Variants in RGSL1 observed in about 807,000 individuals in gnomAD.
RGSL1 encodes the protein regulator of G protein signaling like 1.
A neutral mutation model predicts 124.7 loss-of-function variants in RGSL1; 97 were observed. The ratio of observed to expected loss-of-function variants is 0.78; its 90% CI spans 0.66 to 0.92. The LOEUF is 0.92. Among genes scored for constraint, RGSL1 ranks in the 40% least tolerant of loss-of-function variants. RGSL1 has a pLI of 0.00. For synonymous variants in RGSL1, 424 were observed against 438.1 expected, an observed-to-expected ratio of 0.97 and a Z score of 0.40; for missense variants, 1,233 against 1,288.4, an observed-to-expected ratio of 0.96 and a Z score of 0.66.
Position 182,548,357 on chromosome 1 carries a change from A to G in RGSL1, c.2710A>G (p.Asn904Asp). Residue 904 changes from asparagine to aspartate, a missense_variant, in exon 16 of 22, where the codon AAC (asparagine) becomes GAC (aspartate). Transcript: ENST00000294854. ...LVSSAHMLQVNRAYNENDVIL... is the reference protein window; with the variant it reads ...LVSSAHMLQVDRAYNENDVIL... ...CAGTTCAGCCCACATGCTGCAGGTC[A>G]ACCGGGCATATAATGAGAATGATGT... 1.3e-6 allele frequency: 2 copies of G among 1,552,068 alleles called. No individual in the cohort carries two copies. Among genetic ancestry groups the G allele is most frequent in the Non-Finnish European group, 1.7e-6 (2 of 1,147,052 alleles).
At chr1:182,551,274 G>A in intron 18 of RGSL1, 65 bp downstream of exon 18, 2 of 1,288,548 alleles carry the variant, frequency 1.6e-6, no homozygotes, top group Non-Finnish European at 2.2e-6. Flanking sequence ...AGAAAGCAAG[G>A]GCCCAAGGGG....
At chr1:182,515,556 G>GT in intron 9 of RGSL1, among the ~76,000 whole-genome samples, 1 of 143,528 alleles carries the variant, frequency 7.0e-6, no homozygotes, top group African/African-American at 2.5e-5. Context: ...AAAAAAAAGG[G>GT]GGGGGCGGGG....
chr1:182,472,593 A>C, intron 5 of RGSL1, 36 bp downstream of exon 5: 1 of 1,481,924 alleles, frequency 6.7e-7, no homozygotes, highest in Non-Finnish European at 9.1e-7. Context: ...GGGGGATGCA[A>C]CAAAAAAGTA....
At chr1:182,487,104 A>G (rs866710828) in intron 6 of RGSL1, among the ~76,000 whole-genome samples, 3 of 152,202 alleles carry the variant, frequency 2.0e-5, no homozygotes, top group Non-Finnish European at 4.4e-5. Context: ...TACATTACAT[A>G]TTGCTCGGAT....
At chr1:182,488,216 A>G in intron 6 of RGSL1, 69 bp from the exon 7 acceptor site, 3 of 1,425,952 alleles carry the variant, frequency 2.1e-6, no homozygotes, top group Admixed American at 4.0e-5. Flanking sequence ...TCCCAGGTGA[A>G]CATATGCAGG....
chr1:182,518,572 C>T (rs1210517068), intron 9 of RGSL1, among the ~76,000 whole-genome samples: 1 of 152,152 alleles, frequency 6.6e-6, no homozygotes, highest in Non-Finnish European at 1.5e-5. Flanking sequence ...CCTTCAGGCA[C>T]TCTGAATTCT....
chr1:182,500,978 T>G (rs1436621634), intron 9 of RGSL1, among the ~76,000 whole-genome samples: 1 of 152,148 alleles, frequency 6.6e-6, no homozygotes, highest in Non-Finnish European at 1.5e-5. Flanking sequence ...GTGGACATTT[T>G]TCTTTTCTTT....
chr1:182,489,168 C>T lies in RGSL1; in HGVS notation c.1683C>T (p.Leu561=), dbSNP rs187597544. The stretch of plus-strand genomic sequence containing the variant: ...AGGACCTGAAGCAAGGAGGCTCTCT[C>T]CAGGTAGAGCTGACATCTCCAGTGT... ...ATEDLKQGGS[L]QVELTSPVFL... The change falls in exon 8 of 22, where the codon CTC becomes CTT. Residue 561 remains leucine (L), a synonymous_variant. Coordinates refer to ENST00000294854, the MANE Select transcript of RGSL1 (RefSeq NM_001137669.2). 1 of 1,551,714 alleles carries T rather than the reference C, an allele frequency of 6.4e-7. No individual in the cohort carries two copies. Among genetic ancestry groups the T allele is most frequent in the East Asian group, 2.4e-5 (1 of 40,926 alleles).
At chr1:182,450,395 G>C (rs1651718884) in intron 1 of RGSL1, 3 of 597,520 alleles carry the variant, frequency 5.0e-6, no homozygotes, top group Non-Finnish European at 9.0e-6. Flanking sequence ...TTATTCATAA[G>C]ACAACTAAGG....
In RGSL1 at chr1:182,499,340, T is replaced by C. The variant is rs960884987; in HGVS notation, c.1825+6211T>C. 2.0e-5 allele frequency among the ~76,000 whole-genome samples: 3 copies of C among 152,340 alleles called. No homozygotes were observed. In the East Asian group the frequency reaches 5.8e-4, roughly 29 times the overall value. On this transcript the variant is annotated intron_variant, in intron 9 of 21. Coordinates refer to ENST00000294854, the MANE Select transcript of RGSL1 (RefSeq NM_001137669.2). Reference sequence around the variant, plus strand: ...CGCAGGTCTCTAAGAACTTGTTTTATGATCCTGGGAGCTCCTGTATTGGGT... The same window carrying C: ...CGCAGGTCTCTAAGAACTTGTTTTACGATCCTGGGAGCTCCTGTATTGGGT...
chr1:182,473,438 A>G (rs558441937), intron 5 of RGSL1, 137 bp from the exon 6 acceptor site: 2 of 960,802 alleles, frequency 2.1e-6, no homozygotes, highest in African/African-American at 3.3e-5. Context: ...TAAACTATTC[A>G]TACTCCAGGA....
intron 10 of RGSL1, among the ~76,000 whole-genome samples, chr1:182,523,162 G>A (rs137986988): frequency 6.6e-5 from 10 of 150,970 alleles, no homozygotes; most frequent in African/African-American, 1.9e-4. Context: ...TCAGCCTCCC[G>A]AGTAGCTGGG....
chr1:182,472,350 G>A, intron 4 of RGSL1, 46 bp from the exon 5 acceptor site: 2 of 1,490,014 alleles, frequency 1.3e-6, no homozygotes, highest in Middle Eastern at 1.8e-4. Context: ...CCACCAAAGG[G>A]GCAAAACTAG....
intron 11 of RGSL1, 72 bp from the exon 12 acceptor site, chr1:182,530,172 A>G: frequency 8.4e-7 from 1 of 1,195,744 alleles, no homozygotes; most frequent in Non-Finnish European, 1.2e-6. Context: ...AAAAAAAAAA[A>G]CAAAAAACCA....
chr1:182,472,367 G>A (rs1558256925), intron 4 of RGSL1, 29 bp from the exon 5 acceptor site: 2 of 1,536,086 alleles, frequency 1.3e-6, no homozygotes, highest in Non-Finnish European at 1.8e-6. Flanking sequence ...CTAGGGTATA[G>A]CTCTGTGCCT....
chr1:182,555,064 G>C (rs584602), intron 20 of RGSL1: 109,120 of 226,386 alleles, frequency 0.48, 26,901 homozygotes, highest in Non-Finnish European at 0.52. Context: ...GAAGTCTAGG[G>C]TTTTAGTGTA....
intron 14 of RGSL1, among the ~76,000 whole-genome samples, chr1:182,539,942 C>T (rs976457781): frequency 2.6e-5 from 4 of 152,196 alleles, no homozygotes; most frequent in Non-Finnish European, 4.4e-5. Context: ...GGTCACATCT[C>T]GTGTTTCATT....
At chr1:182,499,154 T>C (rs1456954725) in intron 9 of RGSL1, among the ~76,000 whole-genome samples, 1 of 152,160 alleles carries the variant, frequency 6.6e-6, no homozygotes, top group African/African-American at 2.4e-5. Flanking sequence ...TGTTCTGTTG[T>C]TTTGGGGTGA....
At chr1:182,460,479 T>C (rs1652731274) in intron 4 of RGSL1, 1 of 374,918 alleles carries the variant, frequency 2.7e-6, no homozygotes. Context: ...CCGCAGAACA[T>C]AGTAAAATTG....
Sources: gnomAD v4.1 joint callset for allele counts (sites outside exome capture counted in the v4.1 genomes callset) on GRCh38, gnomAD v4.1.1 for gene constraint, MANE v1.5 for transcripts, NCBI Gene and HGNC (gene_info 2026-07-23, HGNC 2026-07-21) for gene names.